The following DPYD variants were observed in gnomAD, a reference collection of about 807,000 sequenced individuals.
DPYD encodes dihydropyrimidine dehydrogenase [NADP(+)].
DPYD carries 109 observed loss-of-function variants against 116.2 expected under a neutral mutation model. That is an observed-to-expected ratio of 0.94 (90% CI 0.80 to 1.10). The LOEUF (loss-of-function observed/expected upper bound fraction) is 1.10. DPYD is among the 50% of genes least tolerant of loss of function. The pLI is 0.00. For missense variants in DPYD, 1,302 were observed against 1,254.5 expected (o/e 1.04, Z -0.57); for synonymous variants, 440 against 432.0 (o/e 1.02, Z -0.23).
intron 2 of DPYD, among the ~76,000 whole-genome samples, chr1:97,873,077 C>T (rs1481492780): frequency 2.0e-5 from 3 of 151,822 alleles, no homozygotes; most frequent in Non-Finnish European, 4.4e-5. Flanking sequence ...CTGTAACTCC[C>T]ATGGAAGGCT....
At chr1:97,503,438 A>G (rs1160579667) in intron 13 of DPYD, among the ~76,000 whole-genome samples, 1 of 152,066 alleles carries the variant, frequency 6.6e-6, no homozygotes, top group Admixed American at 6.6e-5. Context: ...TTTTCACTGC[A>G]GCCATGCTTC....
At chr1:97,351,800 CA>C (rs1388885564) in intron 16 of DPYD, among the ~76,000 whole-genome samples, 1 of 152,022 alleles carries the variant, frequency 6.6e-6, no homozygotes, top group Non-Finnish European at 1.5e-5. Context: ...AAGAGGAAAT[CA>C]GTCAGGCAAA....
rs79973024 is a variant in DPYD, at chr1:97,645,090, G to A, written c.850+34005C>T. ...TTACAGTATTCTATTGCATGAATAC[G>A]CTGTAACTTATTTATCAGTTACTAC... On this transcript the variant is annotated intron_variant, in intron 8 of 22. Transcript: ENST00000370192. Among the ~76,000 whole-genome samples, 850 of 151,996 alleles carry A rather than the reference G, an allele frequency of 5.6e-3. 5 individuals are homozygous for A. Among genetic ancestry groups the A allele is most frequent in the African/African-American group, 0.019 (787 of 41,482 alleles).
At position 97,314,490 on chromosome 1, in the gene DPYD, CTT is replaced by C. The variant is rs66629750; in HGVS notation, c.2059-8195_2059-8194del. 8.8e-3 allele frequency among the ~76,000 whole-genome samples: 1,091 copies of C among 123,356 alleles called. 12 individuals are homozygous for C. The highest frequency in any genetic ancestry group is 0.029 in the African/African-American group (968 of 32,992). The allele number at this position is 123,356 out of a possible 152,430, so 80.9% of individuals were successfully genotyped here. On this transcript the variant is annotated intron_variant, in intron 16 of 22. Coordinates refer to ENST00000370192, the MANE Select transcript of DPYD (RefSeq NM_000110.4). ...CATTCCACTTAGTCGCTAAAGCTTT[CTT>C]TTTTTTTTTTTTTTTTTTTACAAAT...
chr1:97,397,536 C>G (rs186588758), intron 14 of DPYD, among the ~76,000 whole-genome samples: 37 of 152,120 alleles, frequency 2.4e-4, no homozygotes, highest in Non-Finnish European at 4.4e-4. Context: ...TCACCCCACC[C>G]AACCCTCCTG....
At chr1:97,259,130 T>C (rs570086716) in intron 18 of DPYD, among the ~76,000 whole-genome samples, 1 of 152,172 alleles carries the variant, frequency 6.6e-6, no homozygotes, top group South Asian at 2.1e-4. Flanking sequence ...ATATAACCTA[T>C]TACTTATGTT....
At chr1:97,765,834 G>A (rs1210759096) in intron 3 of DPYD, among the ~76,000 whole-genome samples, 2 of 152,198 alleles carry the variant, frequency 1.3e-5, no homozygotes, top group African/African-American at 4.8e-5. Context: ...GTAAGCAAAG[G>A]CTGATAATTG....
chr1:97,261,516 T>TTA (rs1491237179), intron 18 of DPYD, among the ~76,000 whole-genome samples: 2 of 46,778 alleles, frequency 4.3e-5, no homozygotes, highest in African/African-American at 1.2e-4. Flanking sequence ...TTTTTTTTTT[T>TTA]AAAAAAGAAC....
chr1:97,707,718 T>C (rs1053337092), intron 5 of DPYD, among the ~76,000 whole-genome samples: 1 of 151,976 alleles, frequency 6.6e-6, no homozygotes, highest in Admixed American at 6.6e-5. Flanking sequence ...AGTATAGTGG[T>C]ATCCCGTTGT....
chr1:97,814,338 T>C (rs1489064984), intron 3 of DPYD, among the ~76,000 whole-genome samples: 1 of 152,170 alleles, frequency 6.6e-6, no homozygotes, highest in African/African-American at 2.4e-5. Flanking sequence ...AAGGAATTTG[T>C]CATTTATTCT....
intron 1 of DPYD, among the ~76,000 whole-genome samples, chr1:97,915,926 T>A (rs992234601): frequency 6.6e-6 from 1 of 152,194 alleles, no homozygotes; most frequent in Non-Finnish European, 1.5e-5. Flanking sequence ...CTCATTGTCT[T>A]CTAGTTTTAG....
chr1:97,455,000 T>C (rs1335527267), intron 13 of DPYD, among the ~76,000 whole-genome samples: 1 of 151,800 alleles, frequency 6.6e-6, no homozygotes, highest in Admixed American at 6.6e-5. Flanking sequence ...GAAAAATATA[T>C]AGAATATGAC....
At chr1:97,225,557 G>GTTT (rs1335070158) in intron 19 of DPYD, among the ~76,000 whole-genome samples, 1 of 126,794 alleles carries the variant, frequency 7.9e-6, no homozygotes, top group African/African-American at 3.1e-5. Context: ...TTGAAATCAG[G>GTTT]TTGTTTTTTT....
At chr1:97,298,306 A>C (rs749096166) in intron 18 of DPYD, among the ~76,000 whole-genome samples, 1 of 152,104 alleles carries the variant, frequency 6.6e-6, no homozygotes, top group East Asian at 1.9e-4. Context: ...CTTATGTATC[A>C]GAAACTCTGG....
At chr1:97,882,108 G>A (rs968789313) in intron 2 of DPYD, among the ~76,000 whole-genome samples, 2 of 151,848 alleles carry the variant, frequency 1.3e-5, no homozygotes, top group Non-Finnish European at 2.9e-5. Flanking sequence ...GTCATGGCTT[G>A]TAAGTGGCCT....
At chr1:97,297,368 C>T (rs1373559921) in intron 18 of DPYD, among the ~76,000 whole-genome samples, 1 of 152,120 alleles carries the variant, frequency 6.6e-6, no homozygotes, top group Admixed American at 6.6e-5. Flanking sequence ...ACTTAAGGAC[C>T]TCTTGGAATT....
chr1:97,140,487 G>C (rs1435992764), intron 20 of DPYD, among the ~76,000 whole-genome samples: 1 of 152,120 alleles, frequency 6.6e-6, no homozygotes, highest in Non-Finnish European at 1.5e-5. Context: ...TATCCTTTAA[G>C]AAAAAGAGTT....
chr1:97,411,624 T>C (rs1673998848), intron 14 of DPYD, among the ~76,000 whole-genome samples: 1 of 152,228 alleles, frequency 6.6e-6, no homozygotes, highest in African/African-American at 2.4e-5. Context: ...TACTCATAAA[T>C]CATTCCTTTG....
chr1:97,393,526 G>A (rs1445711559), intron 14 of DPYD, among the ~76,000 whole-genome samples: 2 of 151,520 alleles, frequency 1.3e-5, no homozygotes, highest in Non-Finnish European at 2.9e-5. Flanking sequence ...TCCCACCTAT[G>A]AGTGAGAACA....
Sources: allele counts gnomAD v4.1 joint callset (sites outside exome capture counted in the v4.1 genomes callset), GRCh38; gene constraint gnomAD v4.1.1; transcripts MANE v1.5; gene names NCBI Gene and HGNC (gene_info 2026-07-23, HGNC 2026-07-21).